The following NDP variants were observed in gnomAD, a reference collection of about 807,000 sequenced individuals.
NDP encodes the protein norrin cystine knot growth factor NDP.
A neutral mutation model predicts 8.4 loss-of-function variants in NDP; 2 were observed. The ratio of observed to expected loss-of-function variants is 0.24; its 90% CI spans 0.10 to 0.75. The LOEUF (loss-of-function observed/expected upper bound fraction) is 0.75, where lower values mean the gene tolerates loss of function less well. NDP is among the 30% of genes least tolerant of loss of function. The pLI is 0.73. For synonymous variants in NDP, 55 were observed against 45.6 expected (o/e 1.21, Z -0.83); for missense variants, 81 against 110.1 (o/e 0.74, Z 1.18).
chrX:43,966,138 T>C (rs2035856704), intron 1 of NDP, among the ~76,000 whole-genome samples: 1 of 112,316 alleles, frequency 8.9e-6, no homozygotes, highest in Non-Finnish European at 1.9e-5. Context: ...TCTTTTCCTC[T>C]AGGGATTTGA....
chrX:43,958,148 A>G (rs2035806019), intron 2 of NDP, among the ~76,000 whole-genome samples: 1 of 111,160 alleles, frequency 9.0e-6, no homozygotes, highest in Non-Finnish European at 1.9e-5. Context: ...TTTATTGATG[A>G]TGGAGCTAGA....
At chrX:43,964,685 A>G (rs1276897056) in intron 1 of NDP, among the ~76,000 whole-genome samples, 3 of 111,873 alleles carry the variant, frequency 2.7e-5, no homozygotes, top group African/African-American at 9.8e-5. Flanking sequence ...ATTTCACTGC[A>G]TTCTGAAACT....
chrX:43,965,818 G>T (rs2035855068), intron 1 of NDP, among the ~76,000 whole-genome samples: 1 of 111,693 alleles, frequency 9.0e-6, no homozygotes, highest in Admixed American at 9.5e-5. Context: ...CAAGAGCGAG[G>T]CCCTGTGCTT....
chrX:43,973,154 G>A (rs1359593315), intron 1 of NDP, 150 bp downstream of exon 1: 5 of 112,636 alleles, frequency 4.4e-5, no homozygotes, highest in African/African-American at 1.6e-4. Flanking sequence ...GAAACACAAT[G>A]CTAGCATGCT....
At chrX:43,971,202 G>A (rs889370874) in intron 1 of NDP, among the ~76,000 whole-genome samples, 4 of 111,596 alleles carry the variant, frequency 3.6e-5, no homozygotes, top group African/African-American at 6.5e-5. Context: ...TGCATCCATC[G>A]GGACTAGCAT....
Position 43,967,774 on chromosome X carries a change from C to T in NDP, c.-208+5530G>A, listed in dbSNP as rs1036821384. On this transcript the variant is annotated intron_variant, in intron 1 of 2. Coordinates refer to ENST00000642620, the MANE Select transcript of NDP (RefSeq NM_000266.4). ...TTTGTGGCACTGTAGAAAGGCCACC[C>T]TTGAGCATTTTCTGACAGCTTATCA... Among the ~76,000 whole-genome samples, 11 of 111,055 alleles carry T rather than the reference C, an allele frequency of 9.9e-5. No homozygotes were observed. The East Asian group carries it at 2.8e-3, about 29-fold the overall frequency.
intron 1 of NDP, among the ~76,000 whole-genome samples, chrX:43,971,586 G>A (rs2035891326): frequency 1.8e-5 from 2 of 111,255 alleles, no homozygotes; most frequent in African/African-American, 6.5e-5. Flanking sequence ...AATAAATGAT[G>A]CAAAACATTG....
chrX:43,966,817 G>T lies in NDP; in HGVS notation c.-208+6487C>A, dbSNP rs373480798. 1.0e-3 allele frequency among the ~76,000 whole-genome samples: 112 copies of T among 111,376 alleles called. No individual in the cohort carries two copies. In the South Asian group the frequency reaches 0.042, roughly 42 times the overall value. On this transcript the variant is annotated intron_variant, in intron 1 of 2. Coordinates refer to ENST00000642620, the MANE Select transcript of NDP (RefSeq NM_000266.4). ...GCAAAGTGTTTCCAAAGCTGCGTTT[G>T]AACCTCCTCACCCGCAACAACACTT...
intron 1 of NDP, among the ~76,000 whole-genome samples, chrX:43,959,206 G>T (rs906905530): frequency 9.0e-6 from 1 of 111,515 alleles, no homozygotes; most frequent in African/African-American, 3.3e-5. Context: ...TCCTTGGTTG[G>T]TCGGGGCGGG....
rs1295004618 is a variant in NDP, at chrX:43,949,143, A to G, written c.*656T>C. 2.2e-4 allele frequency: 25 copies of G among 113,454 alleles called. 1 individual carries two copies. The Admixed American group carries it at 2.3e-3, about 10-fold the overall frequency. The allele number at this position is 113,454 out of a possible 1,213,427, so 9.3% of individuals were successfully genotyped here. On this transcript the variant is annotated 3_prime_UTR_variant, in exon 3 of 3. Transcript: ENST00000642620. The stretch of plus-strand genomic sequence containing the variant: ...TATCTGAGACAGCCTTCCTGTGACA[A>G]ATTCTTTATGCTGCTTTTACTTTCA...
chrX:43,971,852 A>C (rs1187027405), intron 1 of NDP, among the ~76,000 whole-genome samples: 1 of 112,133 alleles, frequency 8.9e-6, no homozygotes, highest in Non-Finnish European at 1.9e-5. Flanking sequence ...AAATCAGAAA[A>C]GTTTTGCATA....
rs1256611817 is a variant in NDP, at chrX:43,949,910, C to T, written c.291G>A (p.Arg97=). The part of the protein sequence containing the change: ...QPFRSSCHCC[R]PQTSKLKALR... Reference sequence around the variant, plus strand: ...GTGCCTTCAGCTTGGAAGTCTGGGGCCGGCAGCAGTGACAGGAGGAACGGA... The same window carrying T: ...GTGCCTTCAGCTTGGAAGTCTGGGGTCGGCAGCAGTGACAGGAGGAACGGA... The change falls in exon 3 of 3, where the codon CGG becomes CGA. Residue 97 remains arginine, a synonymous_variant. Transcript: ENST00000642620. The T allele has an allele frequency of 1.7e-6, 2 of 1,203,165 alleles. No homozygotes were observed. The highest frequency in any genetic ancestry group is 3.6e-5 in the South Asian group (2 of 55,336).
intron 2 of NDP, among the ~76,000 whole-genome samples, chrX:43,956,961 G>A (rs927395012): frequency 9.0e-6 from 1 of 111,698 alleles, no homozygotes; most frequent in African/African-American, 3.3e-5. Context: ...CCATCATTTT[G>A]TCCAGTCTTT....
chrX:43,950,165 T>G, intron 2 of NDP, 139 bp from the exon 3 acceptor site: 1 of 538,226 alleles, frequency 1.9e-6, no homozygotes, highest in South Asian at 2.6e-5. Flanking sequence ...TGTTGCATTT[T>G]TTTTAAGTCA....
chrX:43,970,582 A>G (rs1425274649), intron 1 of NDP, among the ~76,000 whole-genome samples: 1 of 111,035 alleles, frequency 9.0e-6, no homozygotes, highest in African/African-American at 3.3e-5. Flanking sequence ...TGAAAGCAAC[A>G]CTGTGTGGCT....
chrX:43,970,154 A>T (rs1358196552), intron 1 of NDP, among the ~76,000 whole-genome samples: 1 of 111,978 alleles, frequency 8.9e-6, no homozygotes, highest in Non-Finnish European at 1.9e-5. Context: ...ATACACAAAG[A>T]GGAAATGACA....
At chrX:43,959,214 G>C (rs1214749938) in intron 1 of NDP, among the ~76,000 whole-genome samples, 3 of 111,592 alleles carry the variant, frequency 2.7e-5, no homozygotes, top group Admixed American at 1.9e-4. Flanking sequence ...TGGTCGGGGC[G>C]GGAGGGTCTA....
chrX:43,957,797 G>A (rs758437709), intron 2 of NDP, among the ~76,000 whole-genome samples: 1 of 101,098 alleles, frequency 9.9e-6, no homozygotes, highest in Non-Finnish European at 2.0e-5. Context: ...GTGAGATCTC[G>A]TATGTTCCAC....
intron 2 of NDP, among the ~76,000 whole-genome samples, chrX:43,955,230 A>G (rs1452773388): frequency 8.9e-6 from 1 of 112,219 alleles, no homozygotes; most frequent in African/African-American, 3.2e-5. Flanking sequence ...GAAATAGAAA[A>G]TTGAGTCTAA....
Sources: allele counts gnomAD v4.1 joint callset (sites outside exome capture counted in the v4.1 genomes callset), GRCh38; gene constraint gnomAD v4.1.1; transcripts MANE v1.5; gene names NCBI Gene and HGNC (gene_info 2026-07-23, HGNC 2026-07-21).